The following R3HCC1L variants were observed in gnomAD, a reference collection of about 807,000 sequenced individuals.
R3HCC1L encodes the protein R3H domain and coiled-coil containing 1 like, also known as coiled-coil domain-containing protein R3HCC1L.
Under a neutral mutation model 59.9 loss-of-function variants are expected in R3HCC1L, and 51 were observed. That is an observed-to-expected ratio of 0.85 (90% CI 0.68 to 1.07). The LOEUF (loss-of-function observed/expected upper bound fraction) is 1.07. R3HCC1L is among the 50% of genes least tolerant of loss of function. R3HCC1L has a pLI of 0.00. For synonymous variants in R3HCC1L, 322 were observed against 315.2 expected, an observed-to-expected ratio of 1.02 and a Z score of -0.23; for missense variants, 965 against 933.0, an observed-to-expected ratio of 1.03 and a Z score of -0.45.
intron 1 of R3HCC1L, among the ~76,000 whole-genome samples, chr10:98,150,102 T>G (rs1845999911): frequency 6.6e-6 from 1 of 152,228 alleles, no homozygotes; most frequent in African/African-American, 2.4e-5. Flanking sequence ...AATGACTTTT[T>G]CAGTTCAGCA....
chr10:98,153,552 A>G (rs1453335448), intron 1 of R3HCC1L, among the ~76,000 whole-genome samples: 2 of 147,736 alleles, frequency 1.4e-5, no homozygotes, highest in South Asian at 4.4e-4. Flanking sequence ...TCCCTCCAGT[A>G]TTGTCCTATG....
At chr10:98,196,205 C>G (rs1851417593) in intron 4 of R3HCC1L, among the ~76,000 whole-genome samples, 1 of 151,756 alleles carries the variant, frequency 6.6e-6, no homozygotes, top group Admixed American at 6.6e-5. Context: ...AATTATTTAT[C>G]TATGCCTTTA....
chr10:98,214,233 A>G (rs1367200050), intron 5 of R3HCC1L, among the ~76,000 whole-genome samples: 1 of 152,198 alleles, frequency 6.6e-6, no homozygotes, highest in Non-Finnish European at 1.5e-5. Flanking sequence ...TGTCAGTACA[A>G]GGAAGCTTTT....
chr10:98,231,679 C>T lies in R3HCC1L; in HGVS notation c.1953C>T (p.Cys651=). The stretch of plus-strand genomic sequence containing the variant: ...CTGAAGACCTTCTACGGGTTTTCTG[C>T]AGTTATCAGTGAGTATGCAAATGAT... ...FHTEDLLRVF[C]SYQKKGFDIK... is the part of the protein sequence containing the mutation. Residue 651 remains cysteine (C), a synonymous_variant, in exon 6 of 10, where the codon TGC becomes TGT. Coordinates refer to ENST00000298999, the MANE Select transcript of R3HCC1L (RefSeq NM_001351015.2). The T allele has an allele frequency of 1.9e-6, 3 of 1,606,762 alleles. No homozygotes were observed. Among genetic ancestry groups the T allele is most frequent in the Non-Finnish European group, 2.6e-6 (3 of 1,175,374 alleles).
intron 6 of R3HCC1L, among the ~76,000 whole-genome samples, chr10:98,234,194 A>G (rs557514538): frequency 6.6e-6 from 1 of 152,294 alleles, no homozygotes; most frequent in South Asian, 2.1e-4. Context: ...GTGAGGATTA[A>G]TTAGTTGATG....
rs1850166960 is a variant in R3HCC1L, at chr10:98,185,739, T to C, written c.-15+22342T>C. ...GTCTTCTAAGCCATGTTAAGTTGAT[T>C]TTATCATGAAAACAGTGGCAAGTCA... On this transcript the variant is annotated intron_variant, in intron 4 of 9. Transcript: ENST00000298999. Among the ~76,000 whole-genome samples the C allele has an allele frequency of 2.0e-5, 3 of 152,152 alleles. No homozygotes were observed. In the South Asian group the frequency reaches 6.2e-4, roughly 32 times the overall value.
chr10:98,146,012 G>A (rs768463206), intron 1 of R3HCC1L, among the ~76,000 whole-genome samples: 4 of 151,758 alleles, frequency 2.6e-5, no homozygotes, highest in Non-Finnish European at 4.4e-5. Flanking sequence ...AAAAGAATAT[G>A]ATCTTACTTG....
intron 4 of R3HCC1L, among the ~76,000 whole-genome samples, chr10:98,198,922 T>C (rs1244803265): frequency 6.6e-6 from 1 of 152,168 alleles, no homozygotes; most frequent in Non-Finnish European, 1.5e-5. Context: ...TTCTAAATTC[T>C]CTAGAAGCTA....
At chr10:98,231,416 G>A (rs1856371299) in intron 5 of R3HCC1L, 96 bp from the exon 6 acceptor site, 3 of 1,154,358 alleles carry the variant, frequency 2.6e-6, no homozygotes, top group Non-Finnish European at 3.7e-6. Flanking sequence ...ATGGGAACAT[G>A]TAGAGAAAGG....
At chr10:98,149,176 A>C (rs1000573704) in intron 1 of R3HCC1L, among the ~76,000 whole-genome samples, 14 of 152,134 alleles carry the variant, frequency 9.2e-5, no homozygotes, top group African/African-American at 3.4e-4. Flanking sequence ...ATAGTCTCTA[A>C]TGATTCTTTG....
intron 4 of R3HCC1L, chr10:98,174,474 C>A: frequency 1.5e-6 from 1 of 687,344 alleles, no homozygotes; most frequent in Non-Finnish European, 1.8e-6. Flanking sequence ...ATGAAAGATA[C>A]TATCTGCCCT....
intron 4 of R3HCC1L, among the ~76,000 whole-genome samples, chr10:98,188,438 A>G (rs1387250566): frequency 1.3e-5 from 2 of 152,186 alleles, no homozygotes. Flanking sequence ...GAACAGCCCT[A>G]AGTCATCCTT....
intron 4 of R3HCC1L, among the ~76,000 whole-genome samples, chr10:98,172,451 A>G (rs1456383821): frequency 6.6e-6 from 1 of 152,210 alleles, no homozygotes; most frequent in Non-Finnish European, 1.5e-5. Flanking sequence ...CACTGCAAGT[A>G]ACTTAACTTG....
At chr10:98,217,246 C>T (rs1366028915) in intron 5 of R3HCC1L, among the ~76,000 whole-genome samples, 1 of 152,100 alleles carries the variant, frequency 6.6e-6, no homozygotes, top group Non-Finnish European at 1.5e-5. Context: ...TATAGACATC[C>T]AATTTTTTCA....
chr10:98,196,404 C>T (rs989439087), intron 4 of R3HCC1L, among the ~76,000 whole-genome samples: 4 of 152,122 alleles, frequency 2.6e-5, no homozygotes, highest in Middle Eastern at 3.2e-3. Flanking sequence ...CTCAGTTCGT[C>T]CTACTTGACC....
intron 5 of R3HCC1L, among the ~76,000 whole-genome samples, chr10:98,230,802 T>C (rs1362109307): frequency 3.9e-5 from 6 of 152,244 alleles, no homozygotes; most frequent in Non-Finnish European, 8.8e-5. Flanking sequence ...GCTGCCGCTT[T>C]CCACTTTCCC....
At chr10:98,224,623 TATAAATAG>T (rs1855463055) in intron 5 of R3HCC1L, among the ~76,000 whole-genome samples, 1 of 152,248 alleles carries the variant, frequency 6.6e-6, no homozygotes, top group African/African-American at 2.4e-5. Flanking sequence ...ATTTATGCTT[TATAAATAG>T]CAACACAGAC....
intron 4 of R3HCC1L, among the ~76,000 whole-genome samples, chr10:98,164,456 A>G (rs531013211): frequency 6.6e-6 from 1 of 152,324 alleles, no homozygotes; most frequent in South Asian, 2.1e-4. Context: ...ATGTGAGTAG[A>G]AGCATAGGAT....
chr10:98,188,874 C>T (rs1205624267), intron 4 of R3HCC1L, among the ~76,000 whole-genome samples: 1 of 152,024 alleles, frequency 6.6e-6, no homozygotes, highest in African/African-American at 2.4e-5. Context: ...CAATTTAACA[C>T]CCTTGTTGCC....
Sources: gnomAD v4.1 joint callset for allele counts (sites outside exome capture counted in the v4.1 genomes callset) on GRCh38, gnomAD v4.1.1 for gene constraint, MANE v1.5 for transcripts, NCBI Gene and HGNC (gene_info 2026-07-23, HGNC 2026-07-21) for gene names.